Variants in LRRIQ1 observed in about 807,000 individuals in gnomAD.
The protein encoded by LRRIQ1 is leucine rich repeats and IQ motif containing 1.
Under a neutral mutation model 211.9 loss-of-function variants are expected in LRRIQ1, and 210 were observed. The ratio of observed to expected loss-of-function variants is 0.99; its 90% CI spans 0.89 to 1.11. LRRIQ1 has a LOEUF of 1.11. Ranked by LOEUF, LRRIQ1 falls within the 50% of genes most tolerant of loss-of-function variation. The pLI is 0.00. For synonymous variants in LRRIQ1, 699 were observed against 650.1 expected (o/e 1.08, Z -1.14); for missense variants, 2,136 against 1,939.5 (o/e 1.10, Z -1.90).
downstream of LRRIQ1, among the ~76,000 whole-genome samples, chr12:85,268,971 T>C (rs1164097668): frequency 6.6e-6 from 1 of 151,966 alleles, no homozygotes; most frequent in African/African-American, 2.4e-5. Flanking sequence ...CTAATCATAA[T>C]GGGCAGGGAG....
At chr12:85,104,164 G>A (rs1886606415) in intron 14 of LRRIQ1, 87 bp downstream of exon 14, 1 of 564,020 alleles carries the variant, frequency 1.8e-6, no homozygotes, top group African/African-American at 2.0e-5. Flanking sequence ...AAATGCATAA[G>A]TTAATGGCAT....
At chr12:85,124,961 G>T (rs922423076) in intron 17 of LRRIQ1, 2 of 180,930 alleles carry the variant, frequency 1.1e-5, no homozygotes, top group Non-Finnish European at 2.3e-5. Flanking sequence ...GGCGGATCAC[G>T]AGGTCAGGAG....
intron 1 of LRRIQ1, among the ~76,000 whole-genome samples, chr12:85,258,113 C>T (rs1896174764): frequency 6.6e-6 from 1 of 151,688 alleles, no homozygotes; most frequent in African/African-American, 2.4e-5. Flanking sequence ...TTAGCTTTTA[C>T]AGTCATTCTG....
chr12:85,151,226 T>C (rs1282164101), intron 19 of LRRIQ1, among the ~76,000 whole-genome samples: 1 of 151,580 alleles, frequency 6.6e-6, no homozygotes, highest in Middle Eastern at 3.2e-3. Flanking sequence ...ACTATTTACA[T>C]AACATTCAAA....
chr12:85,052,727 C>A (rs202079164), intron 7 of LRRIQ1, among the ~76,000 whole-genome samples: 2 of 151,942 alleles, frequency 1.3e-5, no homozygotes, highest in East Asian at 3.9e-4. Context: ...AAACATTATC[C>A]TTTTTTGTAT....
intron 24 of LRRIQ1, among the ~76,000 whole-genome samples, chr12:85,222,007 A>G (rs1403582445): frequency 1.3e-5 from 2 of 152,108 alleles, no homozygotes; most frequent in African/African-American, 4.8e-5. Flanking sequence ...AATGGAGGGG[A>G]TTTGATAGAT....
At chr12:85,196,806 C>T (rs1353957434) in intron 24 of LRRIQ1, among the ~76,000 whole-genome samples, 3 of 152,022 alleles carry the variant, frequency 2.0e-5, no homozygotes, top group Non-Finnish European at 2.9e-5. Context: ...GCAATGGCAA[C>T]AAAAGACAAA....
At chr12:85,133,652 T>C (rs2095060563) in intron 18 of LRRIQ1, among the ~76,000 whole-genome samples, 1 of 152,000 alleles carries the variant, frequency 6.6e-6, no homozygotes, top group Admixed American at 6.6e-5. Flanking sequence ...AAAAGGATAA[T>C]TGAATTTTCA....
chr12:85,187,341 G>A (rs1247101969), intron 24 of LRRIQ1, among the ~76,000 whole-genome samples: 3 of 152,066 alleles, frequency 2.0e-5, no homozygotes, highest in Non-Finnish European at 2.9e-5. Flanking sequence ...ATTATAAATG[G>A]GCAGTAGAAA....
chr12:85,207,064 G>T (rs1893593975), intron 24 of LRRIQ1, among the ~76,000 whole-genome samples: 2 of 152,106 alleles, frequency 1.3e-5, no homozygotes, highest in African/African-American at 4.8e-5. Context: ...TCATGTCCTG[G>T]AGGACCGTGG....
intron 24 of LRRIQ1, among the ~76,000 whole-genome samples, chr12:85,207,690 AC>A (rs1482879303): frequency 1.3e-5 from 2 of 152,128 alleles, no homozygotes; most frequent in Non-Finnish European, 2.9e-5. Flanking sequence ...ATTTTGAGGT[AC>A]TATTTTGAAG....
chr12:85,161,469 G>C (rs1434144549), intron 24 of LRRIQ1, among the ~76,000 whole-genome samples: 1 of 151,642 alleles, frequency 6.6e-6, no homozygotes, highest in Non-Finnish European at 1.5e-5. Context: ...TTAACCTATA[G>C]TTTGGATAGC....
chr12:85,038,199 T>C lies in LRRIQ1; in HGVS notation c.23T>C (p.Leu8Pro). 1.3e-6 allele frequency: 2 copies of C among 1,577,554 alleles called. No homozygotes were observed. Among genetic ancestry groups the C allele is most frequent in the Non-Finnish European group, 8.6e-7 (1 of 1,160,162 alleles). The change falls in exon 2 of 27, where the codon CTC (leucine) becomes CCC (proline). Residue 8 changes from leucine to proline, a missense_variant. Physicochemically the swap from Leu to Pro is moderately conservative, Grantham distance 98. Coordinates refer to ENST00000393217, the MANE Select transcript of LRRIQ1 (RefSeq NM_001079910.2). The stretch of plus-strand genomic sequence containing the variant: ...ATAATGGACGATGATGATGCAAAGC[T>C]CAAAGCAGAAATAGAAGCTGAATTG... MDDDDAKLKAEIEAELDK... is the reference protein window; with the variant it reads MDDDDAKPKAEIEAELDK...
At chr12:85,200,064 T>C (rs1893214596) in intron 24 of LRRIQ1, among the ~76,000 whole-genome samples, 1 of 152,206 alleles carries the variant, frequency 6.6e-6, no homozygotes, top group Admixed American at 6.5e-5. Context: ...TTGGGCAGCA[T>C]GACCATTTTA....
intron 18 of LRRIQ1, among the ~76,000 whole-genome samples, chr12:85,133,066 T>C (rs1888884594): frequency 6.6e-6 from 1 of 152,020 alleles, no homozygotes; most frequent in Non-Finnish European, 1.5e-5. Flanking sequence ...TTGAACTAAG[T>C]GAATAAAGTT....
chr12:85,127,557 A>G (rs1036098400), intron 17 of LRRIQ1, among the ~76,000 whole-genome samples: 12 of 152,188 alleles, frequency 7.9e-5, no homozygotes, highest in African/African-American at 2.9e-4. Flanking sequence ...CCAGAATGAT[A>G]CAAGATCTCT....
intron 24 of LRRIQ1, among the ~76,000 whole-genome samples, chr12:85,227,739 G>C (rs1894734495): frequency 6.6e-6 from 1 of 152,062 alleles, no homozygotes; most frequent in Non-Finnish European, 1.5e-5. Context: ...AAAGAACAAA[G>C]CTGGAGGCAT....
chr12:85,229,657 C>G lies in LRRIQ1; in HGVS notation c.4955+8C>G. The G allele has an allele frequency of 6.2e-7, 1 of 1,605,256 alleles. No individual in the cohort carries two copies. Among genetic ancestry groups the G allele is most frequent in the Non-Finnish European group, 8.5e-7 (1 of 1,177,542 alleles). The stretch of plus-strand genomic sequence containing the variant: ...TTCCAGAAATATGAAATGGTGAGGT[C>G]ATTTCCTCTAAATTAGATTTTTGTA... On this transcript the variant is annotated splice_region_variant and intron_variant, in intron 25 of 26. Transcript: ENST00000393217.
chr12:85,043,568 A>C (rs1436700750), intron 3 of LRRIQ1, among the ~76,000 whole-genome samples: 2 of 152,130 alleles, frequency 1.3e-5, no homozygotes, highest in African/African-American at 4.8e-5. Flanking sequence ...ACGCAGGGTC[A>C]GCTTATGTCC....
Sources: allele counts gnomAD v4.1 joint callset (sites outside exome capture counted in the v4.1 genomes callset), GRCh38; gene constraint gnomAD v4.1.1; transcripts MANE v1.5; gene names NCBI Gene and HGNC (gene_info 2026-07-23, HGNC 2026-07-21).